Variants in UVRAG observed in about 807,000 individuals in gnomAD.
UVRAG encodes UV radiation resistance-associated gene protein.
In UVRAG, 19 loss-of-function variants were observed where a neutral mutation model predicts 78.0. The observed-to-expected ratio is 0.24, with a 90% confidence interval of 0.17 to 0.36. The LOEUF is 0.36. Ranked by LOEUF, UVRAG falls within the 10% of genes least tolerant of loss-of-function variation. The pLI is 1.00. For missense variants in UVRAG, 740 were observed against 853.8 expected, an observed-to-expected ratio of 0.87 and a Z score of 1.66; for synonymous variants, 323 against 324.6, an observed-to-expected ratio of 1.00 and a Z score of 0.05.
intron 1 of UVRAG, among the ~76,000 whole-genome samples, chr11:75,835,930 TA>T (rs1407493286): frequency 6.6e-6 from 1 of 151,240 alleles, no homozygotes; most frequent in Non-Finnish European, 1.5e-5. Context: ...TGTCTCTACT[TA>T]AAAAAAATAT....
At chr11:76,135,659 A>G (rs767622192) in intron 14 of UVRAG, among the ~76,000 whole-genome samples, 1 of 152,174 alleles carries the variant, frequency 6.6e-6, no homozygotes, top group Non-Finnish European at 1.5e-5. Context: ...TAAACCACAG[A>G]TGTCATGTTT....
At chr11:75,993,496 C>T (rs575312063) in intron 8 of UVRAG, among the ~76,000 whole-genome samples, 1 of 152,090 alleles carries the variant, frequency 6.6e-6, no homozygotes, top group Non-Finnish European at 1.5e-5. Context: ...TTAATAAAAA[C>T]CAGATTTCCC....
intron 2 of UVRAG, among the ~76,000 whole-genome samples, chr11:75,853,726 A>C (rs1305279029): frequency 1.3e-5 from 2 of 151,954 alleles, no homozygotes; most frequent in Non-Finnish European, 2.9e-5. Context: ...CTCACTTTTC[A>C]GTCTAACCAT....
rs146105302 is a variant in UVRAG at position 76,013,278 on chromosome 11, A to AT, written c.1061-3533dup. On this transcript the variant is annotated intron_variant, in intron 11 of 14. Transcript: ENST00000356136. ...GCTACAGCCTTGAGTGGTTACCTACATTTTAAAAATAAACCAGGAATATTT... is the reference window on the plus strand; with the variant it reads ...GCTACAGCCTTGAGTGGTTACCTACATTTTTAAAAATAAACCAGGAATATTT... 4.1e-3 allele frequency among the ~76,000 whole-genome samples: 621 copies of AT among 152,328 alleles called. 3 individuals are homozygous for AT. Among genetic ancestry groups the AT allele is most frequent in the African/African-American group, 0.014 (589 of 41,570 alleles).
intron 12 of UVRAG, among the ~76,000 whole-genome samples, chr11:76,062,248 A>C (rs1229957124): frequency 1.3e-5 from 2 of 152,208 alleles, no homozygotes; most frequent in African/African-American, 4.8e-5. Context: ...AAGATCCTTA[A>C]CTATTTTAGA....
chr11:76,138,984 C>T (rs754596499), intron 14 of UVRAG, among the ~76,000 whole-genome samples: 10 of 152,312 alleles, frequency 6.6e-5, no homozygotes, highest in South Asian at 2.1e-4. Flanking sequence ...AAACCTAGAT[C>T]GAGGCCAGCA....
At chr11:76,085,859 G>A (rs1052152421) in intron 13 of UVRAG, among the ~76,000 whole-genome samples, 1 of 152,106 alleles carries the variant, frequency 6.6e-6, no homozygotes, top group African/African-American at 2.4e-5. Flanking sequence ...TTTTCCATGT[G>A]TGTTTTTCAC....
intron 13 of UVRAG, among the ~76,000 whole-genome samples, chr11:76,095,385 A>G (rs73498207): frequency 1.1e-3 from 175 of 152,178 alleles, no homozygotes; most frequent in African/African-American, 4.1e-3. Context: ...TTAGCTTGCA[A>G]AACATTGTTG....
In UVRAG at chr11:76,003,901, CTT is replaced by C. The variant is rs527654570; in HGVS notation, c.827-100_827-99del. 55 of 1,086,186 alleles carry C rather than the reference CTT, an allele frequency of 5.1e-5. No individual in the cohort carries two copies. The South Asian group carries it at 7.1e-4, about 14-fold the overall frequency. 67.3% of individuals were successfully genotyped at this position (1,086,186 alleles called of 1,614,324 possible). A position where few individuals can be genotyped will look rare whatever the true frequency, so the allele number is the denominator to read the frequency against. Reference sequence around the variant, plus strand: ...TGTACTCAACCCACTTTCCCTAACTCTTTTTATTTCCCTCTCACAGTCAGGGA... The same window carrying C: ...TGTACTCAACCCACTTTCCCTAACTCTTTATTTCCCTCTCACAGTCAGGGA... On this transcript the variant is annotated intron_variant, in intron 8 of 14. Coordinates refer to ENST00000356136, the MANE Select transcript of UVRAG (RefSeq NM_003369.4).
At chr11:76,113,005 C>T (rs1952106990) in intron 13 of UVRAG, among the ~76,000 whole-genome samples, 1 of 152,144 alleles carries the variant, frequency 6.6e-6, no homozygotes, top group Non-Finnish European at 1.5e-5. Flanking sequence ...AGCCACCACA[C>T]CTGGCCAGTT....
At position 76,127,944 on chromosome 11, in the gene UVRAG, C is replaced by T. The variant is rs1952440895; in HGVS notation, c.1397+11929C>T. On this transcript the variant is annotated intron_variant, in intron 14 of 14. Coordinates refer to ENST00000356136, the MANE Select transcript of UVRAG (RefSeq NM_003369.4). ...TGCACTCAAGCCTGGGCAAAAAGAG[C>T]GAGACCCCATCTCAAAAAAAAAAAG... Among the ~76,000 whole-genome samples the T allele has an allele frequency of 5.9e-5, 9 of 151,624 alleles. No individual in the cohort carries two copies. The South Asian group carries it at 1.7e-3, about 28-fold the overall frequency.
At chr11:75,862,059 A>G (rs923705508) in intron 3 of UVRAG, among the ~76,000 whole-genome samples, 1 of 152,192 alleles carries the variant, frequency 6.6e-6, no homozygotes, top group East Asian at 1.9e-4. Flanking sequence ...CGTTGTGTAC[A>G]TGTACCCTAA....
intron 6 of UVRAG, among the ~76,000 whole-genome samples, chr11:75,912,672 A>G (rs536496070): frequency 5.9e-5 from 9 of 152,354 alleles, no homozygotes; most frequent in African/African-American, 2.2e-4. Flanking sequence ...ACCAATGTTC[A>G]CCCTACTCAG....
At chr11:75,944,022 T>A (rs1430147439) in intron 6 of UVRAG, among the ~76,000 whole-genome samples, 3 of 152,190 alleles carry the variant, frequency 2.0e-5, no homozygotes, top group South Asian at 2.1e-4. Context: ...ATTTAAAGTC[T>A]ATAGCACTGT....
chr11:75,828,805 A>ATATATATATATATATATATATT, intron 1 of UVRAG, among the ~76,000 whole-genome samples: 1 of 100,264 alleles, frequency 1.0e-5, no homozygotes, highest in East Asian at 2.9e-4. Flanking sequence ...ATATATATAT[A>ATATATATATATATATATATATT]TTTTTTTTTT....
rs912401152 is a variant in UVRAG at position 75,815,355 on chromosome 11, C to T, written c.-53C>T. On this transcript the variant is annotated 5_prime_UTR_variant, in exon 1 of 15. Transcript: ENST00000356136. Reference sequence around the variant, plus strand: ...TTGGTAGGTGGTGGCAAGGGGGCGGCGGCGGATGCCGGAAGAGTGCCCGCC... The same window carrying T: ...TTGGTAGGTGGTGGCAAGGGGGCGGTGGCGGATGCCGGAAGAGTGCCCGCC... 46 of 1,004,746 alleles carry T rather than the reference C, an allele frequency of 4.6e-5. 1 individual carries two copies. Among genetic ancestry groups the T allele is most frequent in the South Asian group, 3.4e-4 (8 of 23,532 alleles). The allele number at this position is 1,004,746 out of a possible 1,614,324, so 62.2% of individuals were successfully genotyped here.
At chr11:76,072,008 T>A (rs756123203) in intron 13 of UVRAG, among the ~76,000 whole-genome samples, 1 of 152,222 alleles carries the variant, frequency 6.6e-6, no homozygotes, top group South Asian at 2.1e-4. Context: ...TGGAGGTCAG[T>A]ACAGGGTATA....
intron 9 of UVRAG, among the ~76,000 whole-genome samples, chr11:76,004,666 C>T (rs1565115347): frequency 6.6e-6 from 1 of 151,860 alleles, no homozygotes; most frequent in Non-Finnish European, 1.5e-5. Flanking sequence ...CACTCTGTCA[C>T]CCAGGCTGGA....
intron 8 of UVRAG, among the ~76,000 whole-genome samples, chr11:75,995,335 T>C (rs1949685272): frequency 6.6e-6 from 1 of 152,052 alleles, no homozygotes; most frequent in African/African-American, 2.4e-5. Context: ...AACAAACACA[T>C]TATTTTGGTG....
Sources: gnomAD v4.1 joint callset for allele counts (sites outside exome capture counted in the v4.1 genomes callset) on GRCh38, gnomAD v4.1.1 for gene constraint, MANE v1.5 for transcripts, NCBI Gene and HGNC (gene_info 2026-07-23, HGNC 2026-07-21) for gene names.